The following SP110 variants were observed in gnomAD, a reference collection of about 807,000 sequenced individuals.
SP110 encodes the protein SP110 nuclear body protein, also known as interferon-induced protein 41, 30kD.
A neutral mutation model predicts 92.7 loss-of-function variants in SP110; 62 were observed. The ratio of observed to expected loss-of-function variants is 0.67; its 90% CI spans 0.55 to 0.83. The LOEUF (loss-of-function observed/expected upper bound fraction) is 0.83. Among genes scored for constraint, SP110 ranks in the 40% least tolerant of loss-of-function variants. SP110 has a pLI of 0.00. For synonymous variants in SP110, 273 were observed against 305.3 expected, an observed-to-expected ratio of 0.89 and a Z score of 1.10; for missense variants, 793 against 863.9, an observed-to-expected ratio of 0.92 and a Z score of 1.03.
At chr2:230,220,604 C>T (rs760218457), upstream of SP110, among the ~76,000 whole-genome samples, 11 of 152,308 alleles carry the variant, frequency 7.2e-5, no homozygotes, top group South Asian at 2.1e-4. Flanking sequence ...AGAACTGGGA[C>T]CTGCTGATTC....
chr2:230,202,754 A>G (rs200718758), intron 8 of SP110, 26 bp from the exon 9 acceptor site: 4 of 1,613,762 alleles, frequency 2.5e-6, no homozygotes, highest in East Asian at 2.2e-5. Context: ...ACTTGTTAAT[A>G]GTTTAAATTG....
intron 18 of SP110, 136 bp downstream of exon 18, chr2:230,170,484 GT>G (rs1026361985): frequency 1.2e-5 from 13 of 1,044,856 alleles, no homozygotes; most frequent in Admixed American, 3.8e-5. Context: ...TGCCGAGGTG[GT>G]TTTTTTTCTG....
intron 1 of SP110, 46 bp from the exon 2 acceptor site, chr2:230,216,974 G>A (rs201785605): frequency 3.4e-5 from 53 of 1,569,422 alleles, no homozygotes; most frequent in African/African-American, 1.2e-4. Flanking sequence ...GGCTGGGCGC[G>A]GTGGCTCATG....
At chr2:230,222,113 C>T (rs528741745), upstream of SP110, among the ~76,000 whole-genome samples, 13 of 152,138 alleles carry the variant, frequency 8.5e-5, no homozygotes, top group Admixed American at 6.5e-5. Flanking sequence ...GCCTGTAATC[C>T]GAGCTACTCG....
intron 1 of SP110, among the ~76,000 whole-genome samples, chr2:230,217,262 AAAAT>A (rs2045316000): frequency 6.6e-6 from 1 of 151,712 alleles, no homozygotes; most frequent in East Asian, 1.9e-4. Flanking sequence ...AAAAAAAAAA[AAAAT>A]AGAAGCAAAA....
chr2:230,221,781 A>C (rs1038240705), upstream of SP110: 1 of 1,469,934 alleles, frequency 6.8e-7, no homozygotes, highest in Non-Finnish European at 9.2e-7. Flanking sequence ...TTCTTCCTTT[A>C]GATCTATTCA....
At chr2:230,176,378 G>T (rs72994199) in intron 14 of SP110, 7 of 1,073,582 alleles carry the variant, frequency 6.5e-6, no homozygotes, top group Non-Finnish European at 8.6e-6. Flanking sequence ...ATGGGGTCTT[G>T]CTATGTTGCC....
At chr2:230,220,017 C>T (rs201007537), upstream of SP110, 3 of 985,406 alleles carry the variant, frequency 3.0e-6, no homozygotes, top group Middle Eastern at 5.2e-4. Context: ...GCCGGGCTTC[C>T]GAGAAAAGAA....
At chr2:230,186,188 A>G (rs2042350744) in intron 10 of SP110, 45 bp from the exon 11 acceptor site, 3 of 1,600,148 alleles carry the variant, frequency 1.9e-6, no homozygotes, top group South Asian at 1.1e-5. Flanking sequence ...CTCCCTTCTC[A>G]TGTTCCCAGC....
At chr2:230,221,636 C>T, upstream of SP110, 3 of 1,410,706 alleles carry the variant, frequency 2.1e-6, no homozygotes, top group Non-Finnish European at 2.9e-6. Flanking sequence ...ACATACAGCG[C>T]TGTGATGCAG....
intron 14 of SP110, among the ~76,000 whole-genome samples, chr2:230,175,873 T>A (rs1045257965): frequency 6.6e-6 from 1 of 152,030 alleles, no homozygotes; most frequent in African/African-American, 2.4e-5. Context: ...TCATGGATGA[T>A]CCTCTTGTCC....
chr2:230,212,391 T>C lies in SP110; in HGVS notation c.623A>G (p.Glu208Gly). The change falls in exon 5 of 19, where the codon GAA becomes GGA. Residue 208 changes from glutamate (E) to glycine (G), a missense_variant. Transcript: ENST00000258381. ...DKLTSKMNAE[E>G]DSEEMPSLLT... is the part of the protein sequence containing the mutation. Reference sequence around the variant, plus strand: ...GAGGCTGGGCATCTCTTCTGAGTCTTCTTCCGCATTCATTTTGGATGTTAA... The same window carrying C: ...GAGGCTGGGCATCTCTTCTGAGTCTCCTTCCGCATTCATTTTGGATGTTAA... The C allele has an allele frequency of 6.2e-7, 1 of 1,613,606 alleles. No individual in the cohort carries two copies. Among genetic ancestry groups the C allele is most frequent in the Non-Finnish European group, 8.5e-7 (1 of 1,179,456 alleles).
intron 7 of SP110, among the ~76,000 whole-genome samples, chr2:230,208,878 G>A (rs2044164519): frequency 6.6e-6 from 1 of 152,106 alleles, no homozygotes; most frequent in Non-Finnish European, 1.5e-5. Context: ...TTAAGATAAT[G>A]GCAATAGATT....
intron 12 of SP110, among the ~76,000 whole-genome samples, chr2:230,179,703 TTC>T (rs2042040608): frequency 2.0e-5 from 3 of 151,976 alleles, no homozygotes; most frequent in Non-Finnish European, 1.5e-5. Context: ...CCTTCTACAG[TTC>T]TCTGTCTCCA....
intron 7 of SP110, among the ~76,000 whole-genome samples, chr2:230,209,297 A>G (rs2044210599): frequency 6.6e-6 from 1 of 152,094 alleles, no homozygotes; most frequent in Non-Finnish European, 1.5e-5. Flanking sequence ...GAAGGATTTG[A>G]GGGGCCAGAG....
intron 9 of SP110, among the ~76,000 whole-genome samples, chr2:230,202,345 G>A (rs185365539): frequency 2.8e-4 from 42 of 152,288 alleles, no homozygotes; most frequent in Non-Finnish European, 5.6e-4. Context: ...AAAAATTTGA[G>A]AGCTGCTGCC....
At position 230,194,917 on chromosome 2, in the gene SP110, C is replaced by T. The variant is rs574474862; in HGVS notation, c.1129+5968G>A. 2.0e-5 allele frequency among the ~76,000 whole-genome samples: 3 copies of T among 152,200 alleles called. No individual in the cohort carries two copies. The East Asian group carries it at 5.8e-4, about 29-fold the overall frequency. ...GTTGGGGAGTCTACTGATGGGGTGG[C>T]CTAGGGGACAAGGTTGGGGCTGGCT... is the stretch of plus-strand genomic sequence containing the variant. On this transcript the variant is annotated intron_variant, in intron 10 of 18. Transcript: ENST00000258381.
At chr2:230,221,805 C>A, upstream of SP110, 1 of 1,298,180 alleles carries the variant, frequency 7.7e-7, no homozygotes, top group Non-Finnish European at 1.1e-6. Flanking sequence ...ATACACCAGG[C>A]AAATGCAAAA....
At chr2:230,202,955 A>C in intron 8 of SP110, 3 of 570,116 alleles carry the variant, frequency 5.3e-6, no homozygotes, top group Non-Finnish European at 9.4e-6. Context: ...TCCTGGTATG[A>C]CCTGTTGCAA....
Sources: gnomAD v4.1 joint callset for allele counts (sites outside exome capture counted in the v4.1 genomes callset) on GRCh38, gnomAD v4.1.1 for gene constraint, MANE v1.5 for transcripts, NCBI Gene and HGNC (gene_info 2026-07-23, HGNC 2026-07-21) for gene names.